MGAT4C: variants seen among roughly 807,000 people sequenced by gnomAD.
MGAT4C encodes alpha-1,3-mannosyl-glycoprotein 4-beta-N-acetylglucosaminyltransferase C.
In MGAT4C, 19 loss-of-function variants were observed where a neutral mutation model predicts 40.1. That is an observed-to-expected ratio of 0.47 (90% confidence interval 0.33 to 0.70). The LOEUF is 0.70. Among genes scored for constraint, MGAT4C ranks in the 30% least tolerant of loss-of-function variants. The pLI, the probability that MGAT4C is intolerant of heterozygous loss-of-function variation, is 0.02. For synonymous variants in MGAT4C, 181 were observed against 187.1 expected (o/e 0.97, Z 0.27); for missense variants, 491 against 563.2 (o/e 0.87, Z 1.30).
At chr12:86,482,807 A>G (rs996805425) in intron 2 of MGAT4C, among the ~76,000 whole-genome samples, 27 of 152,220 alleles carry the variant, frequency 1.8e-4, no homozygotes, top group Admixed American at 9.2e-4. Context: ...TCTTTAGGTC[A>G]CAGAATTTAC....
chr12:85,966,564 A>T lies in MGAT4C; in HGVS notation c.*12725T>A, dbSNP rs1369575506. The T allele has an allele frequency of 2.6e-5, 4 of 152,180 alleles. No homozygotes were observed. The highest frequency in any genetic ancestry group is 5.9e-5 in the Non-Finnish European group (4 of 68,028). 9.4% of individuals were successfully genotyped at this position (152,180 alleles called of 1,614,324 possible). On this transcript the variant is annotated 3_prime_UTR_variant, in exon 5 of 5. Coordinates refer to ENST00000611864, the MANE Select transcript of MGAT4C (RefSeq NM_001351288.2). Reference sequence around the variant, plus strand: ...CCATTACTGGGTATATACCCAAAGGATTATAAATCATGCTTCTATAAAGAC... The same window carrying T: ...CCATTACTGGGTATATACCCAAAGGTTTATAAATCATGCTTCTATAAAGAC...
rs944880497 is a variant in MGAT4C, at chr12:86,671,599, G to T, written c.-229+55610C>A. On this transcript the variant is annotated intron_variant, in intron 2 of 7. Transcript: ENST00000548651. ...GATACCCATAGACTGAAAACAATGG[G>T]ATGAAAAAAGGTAGTCTATACTAAG... Among the ~76,000 whole-genome samples, 4 of 152,028 alleles carry T rather than the reference G, an allele frequency of 2.6e-5. No individual in the cohort carries two copies. In the South Asian group the frequency reaches 6.2e-4, roughly 24 times the overall value.
At chr12:86,505,124 A>T (rs759411070) in intron 2 of MGAT4C, among the ~76,000 whole-genome samples, 8 of 152,028 alleles carry the variant, frequency 5.3e-5, no homozygotes, top group Non-Finnish European at 1.0e-4. Flanking sequence ...TAAAAATGGG[A>T]TTTAAAGTAT....
intron 2 of MGAT4C, among the ~76,000 whole-genome samples, chr12:86,509,901 A>C (rs1242613016): frequency 1.3e-5 from 2 of 152,100 alleles, no homozygotes; most frequent in Non-Finnish European, 2.9e-5. Context: ...TGATTTTTGT[A>C]CATTGATTTT....
At chr12:86,712,804 A>C (rs1950580692) in intron 2 of MGAT4C, among the ~76,000 whole-genome samples, 1 of 152,160 alleles carries the variant, frequency 6.6e-6, no homozygotes, top group Non-Finnish European at 1.5e-5. Flanking sequence ...ATTGTAGACA[A>C]TTTTGCCTCC....
chr12:86,073,210 C>T (rs1868934295), intron 1 of MGAT4C, among the ~76,000 whole-genome samples: 1 of 152,148 alleles, frequency 6.6e-6, no homozygotes, highest in South Asian at 2.1e-4. Flanking sequence ...TCTCTCTTGT[C>T]TGCTGCCATG....
intron 1 of MGAT4C, among the ~76,000 whole-genome samples, chr12:86,752,321 A>C (rs940409963): frequency 6.6e-6 from 1 of 152,020 alleles, no homozygotes; most frequent in Non-Finnish European, 1.5e-5. Context: ...TTAAACACAA[A>C]ATTTCATAAA....
At chr12:86,166,506 T>C (rs1361171352) in intron 1 of MGAT4C, among the ~76,000 whole-genome samples, 2 of 152,138 alleles carry the variant, frequency 1.3e-5, no homozygotes, top group Non-Finnish European at 2.9e-5. Flanking sequence ...ACCCCATCTC[T>C]ACTAAAATTA....
chr12:86,806,627 C>A (rs531305368), intron 1 of MGAT4C, among the ~76,000 whole-genome samples: 2 of 152,038 alleles, frequency 1.3e-5, no homozygotes, highest in African/African-American at 2.4e-5. Context: ...CCACTGATCA[C>A]CTCCACTTCA....
intron 3 of MGAT4C, among the ~76,000 whole-genome samples, chr12:86,341,292 C>G (rs1315878614): frequency 6.6e-6 from 1 of 152,158 alleles, no homozygotes; most frequent in East Asian, 1.9e-4. Context: ...GTCAAAAGAT[C>G]TCCTTGTGAA....
At chr12:86,742,789 A>G (rs926669399) in intron 1 of MGAT4C, among the ~76,000 whole-genome samples, 1 of 151,544 alleles carries the variant, frequency 6.6e-6, no homozygotes, top group Admixed American at 6.6e-5. Context: ...GATAGGAACC[A>G]TCTTGGCATG....
chr12:86,167,835 G>A (rs1464219006), intron 1 of MGAT4C, among the ~76,000 whole-genome samples: 1 of 152,158 alleles, frequency 6.6e-6, no homozygotes, highest in Non-Finnish European at 1.5e-5. Context: ...AACCACAGCA[G>A]TGAACATTTT....
At chr12:86,676,752 G>C (rs1231224659) in intron 2 of MGAT4C, among the ~76,000 whole-genome samples, 2 of 152,190 alleles carry the variant, frequency 1.3e-5, no homozygotes, top group East Asian at 3.9e-4. Context: ...ACAGTTAATT[G>C]AACATTCTCC....
At chr12:86,769,301 A>G (rs543100019) in intron 1 of MGAT4C, among the ~76,000 whole-genome samples, 1,770 of 152,232 alleles carry the variant, frequency 0.012, 33 homozygotes, top group African/African-American at 0.04. Context: ...AGAAATGCAA[A>G]TCAAAACCAC....
At chr12:86,569,434 C>T (rs914047384) in intron 2 of MGAT4C, among the ~76,000 whole-genome samples, 2 of 152,066 alleles carry the variant, frequency 1.3e-5, no homozygotes, top group Non-Finnish European at 2.9e-5. Flanking sequence ...AGTTTGACAT[C>T]ACTTATCATC....
chr12:86,335,101 G>A (rs996226692), intron 3 of MGAT4C, among the ~76,000 whole-genome samples: 9 of 151,874 alleles, frequency 5.9e-5, no homozygotes, highest in Admixed American at 2.0e-4. Flanking sequence ...ACTGTATTAT[G>A]GAATATTTTT....
At position 86,033,733 on chromosome 12, in the gene MGAT4C, A is replaced by G. The variant is rs149324921; in HGVS notation, c.-7+15941T>C. 4.0e-5 allele frequency among the ~76,000 whole-genome samples: 6 copies of G among 149,344 alleles called. 1 individual carries two copies. The highest frequency in any genetic ancestry group is 6.7e-5 in the Admixed American group (1 of 14,820). On this transcript the variant is annotated intron_variant, in intron 2 of 4. Transcript: ENST00000611864. ...TTTGACTTCCTCTCTTTCAATTACT[A>G]TGCCTTTATTTCTTTCTTTTGCCTG... is the stretch of plus-strand genomic sequence containing the variant.
chr12:86,071,733 T>C (rs1868521729), intron 1 of MGAT4C, among the ~76,000 whole-genome samples: 1 of 152,112 alleles, frequency 6.6e-6, no homozygotes, highest in Non-Finnish European at 1.5e-5. Flanking sequence ...TATTATCCCA[T>C]TTTACATATT....
Position 86,143,985 on chromosome 12 carries a change from C to G in MGAT4C, c.-56-94262G>C, listed in dbSNP as rs188649731. Among the ~76,000 whole-genome samples, 84 of 152,176 alleles carry G rather than the reference C, an allele frequency of 5.5e-4. 1 individual carries two copies. Among genetic ancestry groups the G allele is most frequent in the Non-Finnish European group, 3.1e-4 (21 of 68,018 alleles). On this transcript the variant is annotated intron_variant, in intron 1 of 4. Transcript: ENST00000611864. ...TGATTTATCCTTTGTGATGTCAGCC[C>G]CTAGCACAGTGCCTAGCACATAATA...
Sources: allele counts gnomAD v4.1 joint callset (sites outside exome capture counted in the v4.1 genomes callset), GRCh38; gene constraint gnomAD v4.1.1; transcripts MANE v1.5; gene names NCBI Gene and HGNC (gene_info 2026-07-23, HGNC 2026-07-21).